Variants in RNF2 observed in about 807,000 individuals in gnomAD.
RNF2 encodes the protein E3 ubiquitin-protein ligase RING2.
RNF2 carries 6 observed loss-of-function variants against 37.2 expected under a neutral mutation model. The observed-to-expected ratio is 0.16, with a 90% CI of 0.09 to 0.32. The LOEUF (loss-of-function observed/expected upper bound fraction) is 0.32, where lower values mean the gene tolerates loss of function less well. RNF2 is among the 10% of genes least tolerant of loss of function. The pLI, the probability that RNF2 is intolerant of heterozygous loss-of-function variation, is 1.00. For missense variants in RNF2, 251 were observed against 404.0 expected (o/e 0.62, Z 3.25); for synonymous variants, 133 against 132.7 (o/e 1.00, Z -0.02).
chr1:185,098,926 AT>A (rs1357128867), intron 5 of RNF2, among the ~76,000 whole-genome samples: 8 of 147,728 alleles, frequency 5.4e-5, no homozygotes, highest in African/African-American at 7.6e-5. Flanking sequence ...TAATTTTTGT[AT>A]TTTTAGTAGG....
Position 185,091,675 on chromosome 1 carries a change from A to G in RNF2, c.184A>G (p.Met62Val). 1 of 1,614,234 alleles carries G rather than the reference A, an allele frequency of 6.2e-7. No individual in the cohort carries two copies. The highest frequency in any genetic ancestry group is 1.1e-5 in the South Asian group (1 of 91,092). Residue 62 changes from methionine (M) to valine (V), a missense_variant, in exon 3 of 7, where the codon ATG becomes GTG. Physicochemically the swap from Met to Val is conservative, Grantham distance 21. Transcript: ENST00000367510. ...TTGTTTGGATATGTTGAAGAACACCATGACTACAAAGGAGTGTTTACATCG... is the reference window on the plus strand; with the variant it reads ...TTGTTTGGATATGTTGAAGAACACCGTGACTACAAAGGAGTGTTTACATCG... ...PICLDMLKNT[M>V]TTKECLHRFC... is the part of the protein sequence containing the mutation.
At chr1:185,082,807 T>C (rs55738529) in intron 1 of RNF2, among the ~76,000 whole-genome samples, 3,754 of 152,268 alleles carry the variant, frequency 0.025, 143 homozygotes, top group East Asian at 0.085. Flanking sequence ...TTTTGTCTAA[T>C]AACATTTCCA....
intron 4 of RNF2, among the ~76,000 whole-genome samples, chr1:185,095,111 A>C (rs184399337): frequency 9.2e-5 from 14 of 152,360 alleles, no homozygotes; most frequent in Admixed American, 9.2e-4. Context: ...CTGTTTACCA[A>C]AGTATAATGT....
At chr1:185,051,113 T>G (rs1650259473) in intron 1 of RNF2, among the ~76,000 whole-genome samples, 1 of 152,238 alleles carries the variant, frequency 6.6e-6, no homozygotes, top group Admixed American at 6.5e-5. Flanking sequence ...CACACTATGT[T>G]GATTTACTTT....
intron 1 of RNF2, among the ~76,000 whole-genome samples, chr1:185,059,644 G>T (rs1650543166): frequency 1.3e-5 from 2 of 152,154 alleles, no homozygotes; most frequent in Admixed American, 1.3e-4. Flanking sequence ...ATAATCATAT[G>T]TTTGGTTGGG....
chr1:185,061,282 C>T (rs960374783), intron 1 of RNF2, among the ~76,000 whole-genome samples: 1 of 151,890 alleles, frequency 6.6e-6, no homozygotes, highest in African/African-American at 2.4e-5. Flanking sequence ...CGCCCGCCAC[C>T]ATGCCCGGCT....
At chr1:185,074,915 G>C (rs1391924097) in intron 1 of RNF2, among the ~76,000 whole-genome samples, 1 of 152,134 alleles carries the variant, frequency 6.6e-6, no homozygotes, top group Non-Finnish European at 1.5e-5. Context: ...GTATCGGGGA[G>C]GGGGAGCTCA....
intron 2 of RNF2, among the ~76,000 whole-genome samples, chr1:185,089,153 T>C (rs912926473): frequency 4.6e-5 from 7 of 152,140 alleles, no homozygotes; most frequent in South Asian, 2.1e-4. Context: ...ATCCGTTGCA[T>C]GTGCAGTTCT....
chr1:185,068,628 C>T, intron 1 of RNF2, among the ~76,000 whole-genome samples: 1 of 152,210 alleles, frequency 6.6e-6, no homozygotes, highest in Admixed American at 6.5e-5. Context: ...TGCAATCCTG[C>T]CAGTACTTTT....
intron 1 of RNF2, among the ~76,000 whole-genome samples, chr1:185,048,249 G>A (rs1402913806): frequency 3.9e-5 from 6 of 152,168 alleles, no homozygotes; most frequent in African/African-American, 7.2e-5. Flanking sequence ...GAGCGTAGGT[G>A]TGACCCATTA....
rs188948011 is a variant in RNF2 at position 185,059,700 on chromosome 1, C to G, written c.-3+14051C>G. The stretch of plus-strand genomic sequence containing the variant: ...CACTCAGACCTGGGTTTGAGTCTTG[C>G]CTCTGACATTTACTATGAGACCATT... On this transcript the variant is annotated intron_variant, in intron 1 of 6. Coordinates refer to ENST00000367510, the MANE Select transcript of RNF2 (RefSeq NM_007212.4). Among the ~76,000 whole-genome samples, 321 of 152,200 alleles carry G rather than the reference C, an allele frequency of 2.1e-3. 1 individual carries two copies. Among genetic ancestry groups the G allele is most frequent in the African/African-American group, 7.6e-3 (314 of 41,508 alleles).
chr1:185,068,962 C>T (rs147202987), intron 1 of RNF2, among the ~76,000 whole-genome samples: 1 of 152,060 alleles, frequency 6.6e-6, no homozygotes, highest in Non-Finnish European at 1.5e-5. Context: ...CAGTTTTGCT[C>T]AAAATGTTAC....
At chr1:185,092,375 C>T (rs1651792460) in intron 3 of RNF2, among the ~76,000 whole-genome samples, 1 of 151,888 alleles carries the variant, frequency 6.6e-6, no homozygotes, top group African/African-American at 2.4e-5. Flanking sequence ...GGGGCTTTCA[C>T]TGTGTTGGTC....
intron 1 of RNF2, among the ~76,000 whole-genome samples, chr1:185,066,848 G>A (rs12126822): frequency 6.6e-6 from 1 of 152,186 alleles, no homozygotes; most frequent in African/African-American, 2.4e-5. Flanking sequence ...TAGTAGTAGT[G>A]TTAGAGGAGA....
At chr1:185,049,207 ACT>A (rs1469671586) in intron 1 of RNF2, among the ~76,000 whole-genome samples, 1 of 151,988 alleles carries the variant, frequency 6.6e-6, no homozygotes, top group African/African-American at 2.4e-5. Flanking sequence ...ACGGAGCGAG[ACT>A]CTGCCTCAAA....
At chr1:185,072,676 C>T (rs1035557773) in intron 1 of RNF2, among the ~76,000 whole-genome samples, 8 of 152,300 alleles carry the variant, frequency 5.3e-5, no homozygotes, top group African/African-American at 1.9e-4. Context: ...CTGAACAGCT[C>T]ATGCCTGTAA....
chr1:185,091,590 A>C lies in RNF2; in HGVS notation c.99A>C (p.Thr33=), dbSNP rs1375974921. The C allele has an allele frequency of 6.2e-7, 1 of 1,613,582 alleles. No individual in the cohort carries two copies. Among genetic ancestry groups the C allele is most frequent in the East Asian group, 2.2e-5 (1 of 44,874 alleles). The part of the protein sequence containing the change: ...ELQRTPQEAI[T]DGLEIVVSPR... ...TGACTCTTTTACAGGAGGCAATAAC[A>C]GATGGCTTAGAAATTGTGGTTTCAC... is the stretch of plus-strand genomic sequence containing the variant. The change falls in exon 3 of 7, where the codon ACA becomes ACC. Residue 33 remains threonine, a synonymous_variant. Transcript: ENST00000367510.
intron 1 of RNF2, among the ~76,000 whole-genome samples, chr1:185,082,338 T>C (rs955080055): frequency 7.2e-6 from 1 of 138,486 alleles, no homozygotes; most frequent in African/African-American, 2.7e-5. Flanking sequence ...TTGTCTCCTC[T>C]GCAGAACTTT....
At chr1:185,071,319 T>C (rs900786616) in intron 1 of RNF2, among the ~76,000 whole-genome samples, 1 of 152,130 alleles carries the variant, frequency 6.6e-6, no homozygotes, top group African/African-American at 2.4e-5. Flanking sequence ...GTTTCCGGGC[T>C]AGTTTATAGG....
Sources: gnomAD v4.1 joint callset for allele counts (sites outside exome capture counted in the v4.1 genomes callset) on GRCh38, gnomAD v4.1.1 for gene constraint, MANE v1.5 for transcripts, NCBI Gene and HGNC (gene_info 2026-07-23, HGNC 2026-07-21) for gene names.